The following TRPM1 variants were observed in gnomAD, a reference collection of about 807,000 sequenced individuals.
The protein encoded by TRPM1 is transient receptor potential cation channel subfamily M member 1.
A neutral mutation model predicts 149.4 loss-of-function variants in TRPM1; 113 were observed. The ratio of observed to expected loss-of-function variants is 0.76; its 90% CI spans 0.65 to 0.88. The LOEUF is 0.88. Among genes scored for constraint, TRPM1 ranks in the 40% least tolerant of loss-of-function variants. The pLI is 0.00. For synonymous variants in TRPM1, 741 were observed against 759.5 expected (o/e 0.98, Z 0.40); for missense variants, 1,976 against 2,038.7 (o/e 0.97, Z 0.59).
chr15:31,113,301 G>C (rs996789843), intron 1 of TRPM1, among the ~76,000 whole-genome samples: 1 of 152,170 alleles, frequency 6.6e-6, no homozygotes, highest in African/African-American at 2.4e-5. Flanking sequence ...AACTCTCCAG[G>C]AAGAGTGCTG....
intron 1 of TRPM1, among the ~76,000 whole-genome samples, chr15:31,160,415 G>A (rs2036429728): frequency 6.6e-6 from 1 of 152,142 alleles, no homozygotes; most frequent in African/African-American, 2.4e-5. Flanking sequence ...CCTCCTGTTA[G>A]ATGCTGCTGC....
chr15:31,039,987 G>T, intron 18 of TRPM1, 131 bp downstream of exon 18: 1 of 787,980 alleles, frequency 1.3e-6, no homozygotes, highest in South Asian at 1.5e-5. Flanking sequence ...GACAATGATT[G>T]TCATGGCGTC....
chr15:31,103,199 T>C (rs1183372893), upstream of TRPM1, among the ~76,000 whole-genome samples: 1 of 152,144 alleles, frequency 6.6e-6, no homozygotes, highest in Non-Finnish European at 1.5e-5. Flanking sequence ...AAATAAGCTC[T>C]TTTTCAGGTT....
At position 31,064,411 on chromosome 15, in the gene TRPM1, G is replaced by T. The variant is rs548608841; in HGVS notation, c.791-1119C>A. Among the ~76,000 whole-genome samples, 25 of 152,290 alleles carry T rather than the reference G, an allele frequency of 1.6e-4. No individual in the cohort carries two copies. In the South Asian group the frequency reaches 3.7e-3, roughly 23 times the overall value. ...CAACTAACTTTTGGTGGCAGAACCT[G>T]CAGGCATGGCTCTGGGAAGCAAGAG... On this transcript the variant is annotated intron_variant, in intron 7 of 27. Transcript: ENST00000256552.
chr15:31,140,634 C>A (rs2036149898), intron 1 of TRPM1, among the ~76,000 whole-genome samples: 1 of 152,204 alleles, frequency 6.6e-6, no homozygotes, highest in African/African-American at 2.4e-5. Context: ...TACTGGATAA[C>A]CTTTACCTTC....
intron 10 of TRPM1, among the ~76,000 whole-genome samples, chr15:31,060,997 C>CCCCT (rs1298385846): frequency 6.6e-6 from 1 of 152,196 alleles, no homozygotes; most frequent in Non-Finnish European, 1.5e-5. Context: ...TCCTCCCTGC[C>CCCCT]CCCTCATGGC....
At chr15:31,090,586 C>T (rs1271637436) in intron 1 of TRPM1, among the ~76,000 whole-genome samples, 1 of 151,390 alleles carries the variant, frequency 6.6e-6, no homozygotes, top group Non-Finnish European at 1.5e-5. Flanking sequence ...ACGGTGACCT[C>T]AGATTGTGCC....
At chr15:31,058,068 C>T (rs1033168571) in intron 11 of TRPM1, among the ~76,000 whole-genome samples, 5 of 151,942 alleles carry the variant, frequency 3.3e-5, no homozygotes, top group Non-Finnish European at 7.4e-5. Flanking sequence ...TTCTTTATAG[C>T]AGTGTGAAAA....
intron 18 of TRPM1, among the ~76,000 whole-genome samples, chr15:31,039,343 A>G (rs948763973): frequency 2.0e-5 from 3 of 152,214 alleles, no homozygotes; most frequent in Admixed American, 6.5e-5. Context: ...TAAGTTATGT[A>G]TAACATCAGC....
At chr15:31,104,700 T>C (rs1389926947), upstream of TRPM1, among the ~76,000 whole-genome samples, 1 of 150,088 alleles carries the variant, frequency 6.7e-6, no homozygotes, top group Non-Finnish European at 1.5e-5. Flanking sequence ...TTCACACCAT[T>C]CTCCTGCCTC....
intron 14 of TRPM1, 80 bp from the exon 15 acceptor site, chr15:31,047,331 G>A: frequency 6.5e-7 from 1 of 1,534,274 alleles, no homozygotes; most frequent in Non-Finnish European, 9.0e-7. Context: ...GGGGTAAGTG[G>A]CTGTCCTGGC....
chr15:31,008,460 T>G (rs979348142), intron 27 of TRPM1, among the ~76,000 whole-genome samples: 5 of 152,152 alleles, frequency 3.3e-5, no homozygotes, highest in Non-Finnish European at 5.9e-5. Context: ...ACATATAGGG[T>G]TTTTTCCTTT....
At position 31,050,405 on chromosome 15, in the gene TRPM1, A is replaced by C. The variant is rs1269618036; in HGVS notation, c.1437+4T>G. 2 of 1,614,076 alleles carry C rather than the reference A, an allele frequency of 1.2e-6. No individual in the cohort carries two copies. The highest frequency in any genetic ancestry group is 2.2e-5 in the South Asian group (2 of 91,078). On this transcript the variant is annotated splice_donor_region_variant and intron_variant, in intron 12 of 27. Coordinates refer to ENST00000256552, the MANE Select transcript of TRPM1 (RefSeq NM_001252024.2). ...GCTCGTGATCTCTGTGACCTTCCAC[A>C]TACCCAGTTCAGCAGCTCTATCTTC...
chr15:31,073,713 A>T (rs984296641), intron 3 of TRPM1, among the ~76,000 whole-genome samples: 15 of 151,924 alleles, frequency 9.9e-5, no homozygotes, highest in Admixed American at 3.9e-4. Context: ...CTCTTACCTA[A>T]TTGCTTTGGC....
At chr15:31,089,313 T>G (rs9302157) in intron 1 of TRPM1, among the ~76,000 whole-genome samples, 7 of 147,768 alleles carry the variant, frequency 4.7e-5, no homozygotes, top group African/African-American at 1.8e-4. Flanking sequence ...TATAGTTATG[T>G]TTTTTTGGTT....
chr15:31,015,879 C>T (rs892356167), intron 27 of TRPM1, among the ~76,000 whole-genome samples: 1 of 152,214 alleles, frequency 6.6e-6, no homozygotes, highest in Admixed American at 6.5e-5. Flanking sequence ...CCCATCCTGT[C>T]TCATCTTGTT....
intron 1 of TRPM1, among the ~76,000 whole-genome samples, chr15:31,123,693 T>C (rs897121384): frequency 2.6e-5 from 4 of 152,196 alleles, no homozygotes; most frequent in Non-Finnish European, 4.4e-5. Flanking sequence ...CCCAAAAAAC[T>C]GACAATTTCA....
At chr15:31,138,970 A>G (rs1434540388) in intron 1 of TRPM1, among the ~76,000 whole-genome samples, 1 of 152,096 alleles carries the variant, frequency 6.6e-6, no homozygotes, top group Non-Finnish European at 1.5e-5. Context: ...TTGGCTGGCC[A>G]TTTTGCCTGA....
In TRPM1 at chr15:31,049,422, T is replaced by C. The variant is rs2033876591; in HGVS notation, c.1525A>G (p.Met509Val). 4 of 1,614,184 alleles carry C rather than the reference T, an allele frequency of 2.5e-6. No individual in the cohort carries two copies. Among genetic ancestry groups the C allele is most frequent in the Non-Finnish European group, 3.4e-6 (4 of 1,180,032 alleles). ...CTCGGAATGGTCAGAAAGTGTTGCATGTTCACTCCGTTTTCAATCAGGAGC... is the reference window on the plus strand; with the variant it reads ...CTCGGAATGGTCAGAAAGTGTTGCACGTTCACTCCGTTTTCAATCAGGAGC... ...VKLLIENGVNMQHFLTIPRLE... is the reference protein window; with the variant it reads ...VKLLIENGVNVQHFLTIPRLE... Residue 509 changes from methionine (M) to valine (V), a missense_variant, in exon 13 of 28, where the codon ATG (methionine) becomes GTG (valine). By Grantham distance (21) the Met-to-Val change is conservative. Coordinates refer to ENST00000256552, the MANE Select transcript of TRPM1 (RefSeq NM_001252024.2).
Sources: gnomAD v4.1 joint callset for allele counts (sites outside exome capture counted in the v4.1 genomes callset) on GRCh38, gnomAD v4.1.1 for gene constraint, MANE v1.5 for transcripts, NCBI Gene and HGNC (gene_info 2026-07-23, HGNC 2026-07-21) for gene names.